Variants in RFX3 observed in about 807,000 individuals in gnomAD.
RFX3 encodes the protein transcription factor RFX3.
RFX3 carries 14 observed loss-of-function variants against 98.6 expected under a neutral mutation model. The ratio of observed to expected loss-of-function variants is 0.14; its 90% CI spans 0.09 to 0.22. RFX3 has a LOEUF of 0.22. Among genes scored for constraint, RFX3 ranks in the 10% least tolerant of loss-of-function variants. The pLI is 1.00. For synonymous variants in RFX3, 383 were observed against 328.4 expected, an observed-to-expected ratio of 1.17 and a Z score of -1.80; for missense variants, 639 against 926.9, an observed-to-expected ratio of 0.69 and a Z score of 4.03.
At chr9:3,494,025 C>T (rs1015416008) in intron 1 of RFX3, among the ~76,000 whole-genome samples, 8 of 152,006 alleles carry the variant, frequency 5.3e-5, no homozygotes, top group African/African-American at 1.9e-4. Flanking sequence ...CCCCATAATA[C>T]TGATAGTCTC....
intron 13 of RFX3, among the ~76,000 whole-genome samples, chr9:3,261,102 T>G (rs1281594233): frequency 6.6e-6 from 1 of 151,998 alleles, no homozygotes; most frequent in Non-Finnish European, 1.5e-5. Context: ...TTAGCTTATT[T>G]TTAAAACAAC....
chr9:3,366,696 TTCTTTCTTTC>T (rs1837158021), intron 2 of RFX3, among the ~76,000 whole-genome samples: 2 of 72,846 alleles, frequency 2.7e-5, no homozygotes, highest in Admixed American at 1.4e-4. Context: ...TTTCTTTCCT[TTCTTTCTTTC>T]TTTCTTTCTT....
chr9:3,450,045 T>C (rs1846434395), intron 1 of RFX3, among the ~76,000 whole-genome samples: 1 of 152,242 alleles, frequency 6.6e-6, no homozygotes, highest in South Asian at 2.1e-4. Context: ...TCTACCAATC[T>C]GGTTGCTTGA....
chr9:3,222,364 G>C lies in RFX3; in HGVS notation c.*2678C>G, dbSNP rs986116631. ...TTAGTTCTTAATCTGTCCTAATTTAGAACAAACCATGAACAATTGGAAGAA... is the reference window on the plus strand; with the variant it reads ...TTAGTTCTTAATCTGTCCTAATTTACAACAAACCATGAACAATTGGAAGAA... On this transcript the variant is annotated 3_prime_UTR_variant, in exon 17 of 17. Transcript: ENST00000617270. The C allele has an allele frequency of 1.3e-5, 2 of 151,986 alleles. No individual in the cohort carries two copies. The highest frequency in any genetic ancestry group is 4.8e-5 in the African/African-American group (2 of 41,390). The allele number at this position is 151,986 out of a possible 1,614,324, so 9.4% of individuals were successfully genotyped here. A position where few individuals can be genotyped will look rare whatever the true frequency, so the allele number is the denominator to read the frequency against.
At chr9:3,296,290 AT>A (rs1173990596) in intron 5 of RFX3, among the ~76,000 whole-genome samples, 4 of 151,940 alleles carry the variant, frequency 2.6e-5, no homozygotes, top group African/African-American at 9.7e-5. Flanking sequence ...TAGTGAGATA[AT>A]TACAGCAAAC....
At position 3,248,204 on chromosome 9, in the gene RFX3, C is replaced by T; in HGVS notation, c.1815-19G>A. On this transcript the variant is annotated intron_variant, in intron 14 of 16. Coordinates refer to ENST00000617270, the MANE Select transcript of RFX3 (RefSeq NM_001282116.2). ...CATTGAGCTGTTCCAAGAGAAAAGA[C>T]AAATATGCAGCTAACATTAGTGACA... 1 of 1,578,362 alleles carries T rather than the reference C, an allele frequency of 6.3e-7. No homozygotes were observed. The highest frequency in any genetic ancestry group is 1.7e-4 in the Middle Eastern group (1 of 5,860).
chr9:3,227,174 TA>T (rs577396767), intron 16 of RFX3, among the ~76,000 whole-genome samples: 1 of 151,830 alleles, frequency 6.6e-6, no homozygotes, highest in Admixed American at 6.6e-5. Flanking sequence ...GTCAAAATAA[TA>T]AAAAAGGGAG....
At chr9:3,467,083 TA>T (rs1206727532) in intron 1 of RFX3, among the ~76,000 whole-genome samples, 10 of 116,982 alleles carry the variant, frequency 8.5e-5, no homozygotes, top group Admixed American at 8.1e-4. Flanking sequence ...TATATGTATA[TA>T]CATACATATA....
At chr9:3,370,921 T>C (rs1031544166) in intron 2 of RFX3, among the ~76,000 whole-genome samples, 3 of 152,222 alleles carry the variant, frequency 2.0e-5, no homozygotes, top group Admixed American at 6.5e-5. Context: ...ATGGCCACAA[T>C]AGAATGACAA....
chr9:3,304,684 T>C lies in RFX3; in HGVS notation c.475-3064A>G, dbSNP rs558607326. 7.4e-4 allele frequency among the ~76,000 whole-genome samples: 113 copies of C among 152,148 alleles called. 1 individual carries two copies. Among genetic ancestry groups the C allele is most frequent in the Non-Finnish European group, 1.5e-3 (102 of 67,962 alleles). On this transcript the variant is annotated intron_variant, in intron 4 of 16. Transcript: ENST00000617270. ...TTCCCCTTTTGCTTGGCTCTCATTCTCTCTTGCCTGCTGCCATGTAAGATG... is the reference window on the plus strand; with the variant it reads ...TTCCCCTTTTGCTTGGCTCTCATTCCCTCTTGCCTGCTGCCATGTAAGATG...
At chr9:3,500,510 T>G (rs1318346482) in intron 1 of RFX3, among the ~76,000 whole-genome samples, 1 of 152,178 alleles carries the variant, frequency 6.6e-6, no homozygotes, top group Non-Finnish European at 1.5e-5. Context: ...AAAGATTCAG[T>G]GATGTCAGCA....
At chr9:3,341,829 A>G (rs2131075880) in intron 3 of RFX3, among the ~76,000 whole-genome samples, 1 of 152,344 alleles carries the variant, frequency 6.6e-6, no homozygotes, top group East Asian at 1.9e-4. Context: ...ACCAGTCAGA[A>G]TGTGTACATA....
intron 2 of RFX3, among the ~76,000 whole-genome samples, chr9:3,394,620 C>T (rs988913627): frequency 6.6e-5 from 10 of 152,156 alleles, no homozygotes; most frequent in Non-Finnish European, 1.5e-4. Flanking sequence ...TAAAAATGTC[C>T]TTCATCATCT....
chr9:3,324,253 CATAAA>C (rs1423349506), intron 4 of RFX3: 1 of 205,834 alleles, frequency 4.9e-6, no homozygotes, highest in African/African-American at 2.3e-5. Flanking sequence ...TGTTTTGTCA[CATAAA>C]ATAAGAACTG....
chr9:3,229,570 T>C (rs1275111252), intron 15 of RFX3, among the ~76,000 whole-genome samples: 2 of 152,198 alleles, frequency 1.3e-5, no homozygotes, highest in Admixed American at 1.3e-4. Flanking sequence ...AGTTTGATAA[T>C]TTTCCAATGA....
intron 1 of RFX3, among the ~76,000 whole-genome samples, chr9:3,441,766 G>A (rs1466130717): frequency 6.6e-6 from 1 of 152,082 alleles, no homozygotes; most frequent in Non-Finnish European, 1.5e-5. Flanking sequence ...GAATTTCAAA[G>A]AACTTATGTA....
At chr9:3,391,568 C>A (rs890701421) in intron 2 of RFX3, among the ~76,000 whole-genome samples, 1 of 152,116 alleles carries the variant, frequency 6.6e-6, no homozygotes, top group Non-Finnish European at 1.5e-5. Flanking sequence ...AAAAATATGC[C>A]TGTTGGGAGT....
At chr9:3,470,373 G>A (rs546223196) in intron 1 of RFX3, among the ~76,000 whole-genome samples, 2 of 148,996 alleles carry the variant, frequency 1.3e-5, no homozygotes, top group South Asian at 4.3e-4. Flanking sequence ...GGAGTGCAGT[G>A]GTGCGATCTT....
At chr9:3,267,002 A>G (rs1823730990) in intron 11 of RFX3, among the ~76,000 whole-genome samples, 1 of 152,050 alleles carries the variant, frequency 6.6e-6, no homozygotes. Flanking sequence ...AACCTGAAAT[A>G]GGGATAGGTC....
Sources: gnomAD v4.1 joint callset for allele counts (sites outside exome capture counted in the v4.1 genomes callset) on GRCh38, gnomAD v4.1.1 for gene constraint, MANE v1.5 for transcripts, NCBI Gene and HGNC (gene_info 2026-07-23, HGNC 2026-07-21) for gene names.